Variants in ASIC2 observed in about 807,000 individuals in gnomAD.
ASIC2 encodes acid sensing ion channel subunit 2.
Under a neutral mutation model 57.3 loss-of-function variants are expected in ASIC2, and 25 were observed. The observed-to-expected ratio is 0.44, with a 90% CI of 0.32 to 0.61. The LOEUF is 0.61. Ranked by LOEUF, ASIC2 falls within the 20% of genes least tolerant of loss-of-function variation. The probability of loss-of-function intolerance (pLI) is 0.06; values close to 1 mark genes in which losing one functional copy is unlikely to be tolerated. For missense variants in ASIC2, 641 were observed against 738.1 expected (o/e 0.87, Z 1.52); for synonymous variants, 319 against 307.5 (o/e 1.04, Z -0.39).
At chr17:34,116,636 G>T (rs377213247) in intron 1 of ASIC2, among the ~76,000 whole-genome samples, 1 of 152,120 alleles carries the variant, frequency 6.6e-6, no homozygotes, top group Admixed American at 6.5e-5. Flanking sequence ...GCTTCTGCCT[G>T]CTCTCTCTCT....
chr17:34,052,650 C>G (rs1214376201), intron 1 of ASIC2, among the ~76,000 whole-genome samples: 2 of 149,480 alleles, frequency 1.3e-5, no homozygotes, highest in Non-Finnish European at 3.0e-5. Context: ...GAGTTTAGCT[C>G]TTGTTGCCCA....
chr17:33,738,568 T>C (rs1909998493), intron 1 of ASIC2, among the ~76,000 whole-genome samples: 1 of 152,188 alleles, frequency 6.6e-6, no homozygotes, highest in South Asian at 2.1e-4. Context: ...CCCCCAGTGG[T>C]AGCTGGCTTA....
chr17:33,733,311 T>A (rs1052132357), intron 1 of ASIC2, among the ~76,000 whole-genome samples: 11 of 152,280 alleles, frequency 7.2e-5, no homozygotes, highest in African/African-American at 2.6e-4. Flanking sequence ...TTTGCACGGG[T>A]TCCTAATGGT....
intron 1 of ASIC2, among the ~76,000 whole-genome samples, chr17:33,797,334 G>A (rs553481105): frequency 5.9e-4 from 90 of 152,202 alleles, no homozygotes; most frequent in South Asian, 1.7e-3. Flanking sequence ...TCAGGGAAAC[G>A]TCTGGCATGA....
At chr17:34,039,581 T>C in intron 1 of ASIC2, 9 of 1,613,910 alleles carry the variant, frequency 5.6e-6, no homozygotes, top group Non-Finnish European at 7.6e-6. Context: ...CCAGGGCTGG[T>C]TCCCGGCCCG....
intron 7 of ASIC2, 22 bp from the exon 8 acceptor site, chr17:33,017,706 C>G: frequency 1.2e-6 from 2 of 1,604,742 alleles, no homozygotes; most frequent in Non-Finnish European, 1.7e-6. Context: ...GGGAAAAGAC[C>G]AAAGCTTTGC....
At chr17:33,426,231 A>G (rs1911215909) in intron 1 of ASIC2, among the ~76,000 whole-genome samples, 2 of 152,208 alleles carry the variant, frequency 1.3e-5, no homozygotes, top group Non-Finnish European at 2.9e-5. Flanking sequence ...GGGGATTATT[A>G]AATAATCATA....
At chr17:33,862,466 G>A (rs577926465) in intron 1 of ASIC2, among the ~76,000 whole-genome samples, 1 of 152,208 alleles carries the variant, frequency 6.6e-6, no homozygotes, top group East Asian at 1.9e-4. Flanking sequence ...TGTGATACAT[G>A]TATACCACAT....
At chr17:33,290,239 C>A (rs1182446892) in intron 1 of ASIC2, among the ~76,000 whole-genome samples, 2 of 152,238 alleles carry the variant, frequency 1.3e-5, no homozygotes, top group Non-Finnish European at 2.9e-5. Flanking sequence ...CGGCATCATG[C>A]CAACACTTGT....
At chr17:33,338,654 C>T (rs540082871) in intron 1 of ASIC2, among the ~76,000 whole-genome samples, 7 of 152,182 alleles carry the variant, frequency 4.6e-5, no homozygotes, top group Middle Eastern at 6.8e-3. Context: ...AGAAGGTAAA[C>T]GATCTTAGAC....
chr17:33,639,128 A>G (rs1906471892), intron 1 of ASIC2, among the ~76,000 whole-genome samples: 1 of 151,886 alleles, frequency 6.6e-6, no homozygotes, highest in South Asian at 2.1e-4. Flanking sequence ...AGCCAAGCAG[A>G]CCAAGGCCAA....
intron 1 of ASIC2, among the ~76,000 whole-genome samples, chr17:33,853,070 C>CAATTTTGGAG (rs1179902515): frequency 1.3e-5 from 2 of 152,282 alleles, no homozygotes; most frequent in African/African-American, 4.8e-5. Context: ...GAGTTGTGCA[C>CAATTTTGGAG]AATTTTGGAG....
intron 1 of ASIC2, among the ~76,000 whole-genome samples, chr17:33,595,159 G>A (rs1445867815): frequency 9.9e-5 from 15 of 152,282 alleles, no homozygotes; most frequent in South Asian, 4.1e-4. Context: ...CCTGTAAGTT[G>A]AAATTGCAGA....
chr17:33,699,935 G>A (rs1279464607), intron 1 of ASIC2, among the ~76,000 whole-genome samples: 1 of 152,078 alleles, frequency 6.6e-6, no homozygotes, highest in Non-Finnish European at 1.5e-5. Context: ...CAATTACATA[G>A]ACTTCTGGAT....
chr17:33,067,062 A>T (rs775355795), intron 3 of ASIC2, among the ~76,000 whole-genome samples: 5 of 152,208 alleles, frequency 3.3e-5, no homozygotes, highest in Non-Finnish European at 5.9e-5. Flanking sequence ...GGAACATCGC[A>T]GGCAAAAGAC....
chr17:34,039,317 T>TAGATG, intron 1 of ASIC2: 1 of 1,613,838 alleles, frequency 6.2e-7, no homozygotes, highest in Admixed American at 1.7e-5. Context: ...CCAGATCCCG[T>TAGATG]AGATGAGGGA....
chr17:34,011,291 C>T (rs1489595222), intron 1 of ASIC2, among the ~76,000 whole-genome samples: 1 of 152,132 alleles, frequency 6.6e-6, no homozygotes, highest in African/African-American at 2.4e-5. Flanking sequence ...TGTTTTCATG[C>T]CCGTGCCTTC....
intron 1 of ASIC2, among the ~76,000 whole-genome samples, chr17:33,677,893 G>A (rs1907875281): frequency 6.6e-6 from 1 of 152,208 alleles, no homozygotes; most frequent in African/African-American, 2.4e-5. Context: ...AGTTGATAAA[G>A]CAGCAGCAGG....
chr17:33,990,808 A>G (rs1175935682), intron 1 of ASIC2, among the ~76,000 whole-genome samples: 6 of 152,208 alleles, frequency 3.9e-5, no homozygotes, highest in African/African-American at 1.4e-4. Flanking sequence ...TGGAGAGGAA[A>G]TAACTGAAAC....
Sources: allele counts gnomAD v4.1 joint callset (sites outside exome capture counted in the v4.1 genomes callset), GRCh38; gene constraint gnomAD v4.1.1; transcripts MANE v1.5; gene names NCBI Gene and HGNC (gene_info 2026-07-23, HGNC 2026-07-21).